The following ZNF274 variants were observed in gnomAD, a reference collection of about 807,000 sequenced individuals.
The protein encoded by ZNF274 is neurotrophin receptor-interacting factor homolog.
In ZNF274, 23 loss-of-function variants were observed where a neutral mutation model predicts 42.5. The observed-to-expected ratio is 0.54, with a 90% CI of 0.39 to 0.77. ZNF274 has a LOEUF of 0.77. ZNF274 is among the 30% of genes least tolerant of loss of function. The pLI is 0.00. For synonymous variants in ZNF274, 292 were observed against 305.4 expected, an observed-to-expected ratio of 0.96 and a Z score of 0.46; for missense variants, 679 against 806.5, an observed-to-expected ratio of 0.84 and a Z score of 1.91.
rs548890071 is a variant in ZNF274, at chr19:58,209,672, G to A, written c.740-289G>A. ...CTCACAGGAGGGGCTGGGGCCCTCAGCAGCCCCCGGAAAGGGAAGGAGTGG... is the reference window on the plus strand; with the variant it reads ...CTCACAGGAGGGGCTGGGGCCCTCAACAGCCCCCGGAAAGGGAAGGAGTGG... On this transcript the variant is annotated intron_variant, in intron 5 of 7. Transcript: ENST00000617501. 6.8e-4 allele frequency: 173 copies of A among 256,068 alleles called. 2 individuals carry two copies. The highest frequency in any genetic ancestry group is 5.1e-3 in the South Asian group (67 of 13,130). 15.9% of individuals were successfully genotyped at this position (256,068 alleles called of 1,614,324 possible). A position where few individuals can be genotyped will look rare whatever the true frequency, so the allele number is the denominator to read the frequency against.
At chr19:58,189,609 T>C (rs916846047) in intron 4 of ZNF274, among the ~76,000 whole-genome samples, 4 of 152,172 alleles carry the variant, frequency 2.6e-5, no homozygotes, top group Admixed American at 1.3e-4. Flanking sequence ...TAGTTCCCCT[T>C]GTCATTTAAA....
intron 3 of ZNF274, 100 bp downstream of exon 3, chr19:58,185,938 A>T: frequency 8.8e-7 from 1 of 1,134,460 alleles, no homozygotes; most frequent in South Asian, 3.6e-5. Flanking sequence ...CAGGGGCACC[A>T]GTAGGAAAAG....
At chr19:58,197,447 A>G (rs1285540008) in intron 4 of ZNF274, among the ~76,000 whole-genome samples, 1 of 152,264 alleles carries the variant, frequency 6.6e-6, no homozygotes, top group Non-Finnish European at 1.5e-5. Context: ...ACTGATAAGT[A>G]TATAAATGTA....
intron 4 of ZNF274, among the ~76,000 whole-genome samples, chr19:58,204,972 G>A (rs1305449028): frequency 6.6e-6 from 1 of 152,190 alleles, no homozygotes; most frequent in South Asian, 2.1e-4. Flanking sequence ...CTATTGGCTT[G>A]GCGGGGAGCA....
At chr19:58,209,880 A>G (rs2076020672) in intron 5 of ZNF274, 81 bp from the exon 6 acceptor site, 1 of 891,544 alleles carries the variant, frequency 1.1e-6, no homozygotes, top group Non-Finnish European at 1.7e-6. Context: ...CGGTGGCCCC[A>G]TGGGTTGCAG....
Position 58,213,108 on chromosome 19 carries a change from A to G in ZNF274, c.1927A>G (p.Arg643Gly), listed in dbSNP as rs1337312009. 6.2e-7 allele frequency: 1 copy of G among 1,612,024 alleles called. No homozygotes were observed. The highest frequency in any genetic ancestry group is 8.5e-7 in the Non-Finnish European group (1 of 1,178,878). Residue 643 changes from arginine (R) to glycine (G), a missense_variant, in exon 8 of 8, where the codon AGG becomes GGG. Arg to Gly is a moderately radical substitution (Grantham distance 125). Transcript: ENST00000617501. ...HLIGHQRTHN[R>G]TKRKKKQPTS ...TATTGGGCACCAGAGAACCCACAAT[A>G]GGACAAAGCGAAAGAAGAAACAGCC...
At chr19:58,193,139 A>G (rs1178639330) in intron 4 of ZNF274, among the ~76,000 whole-genome samples, 3 of 148,446 alleles carry the variant, frequency 2.0e-5, no homozygotes, top group African/African-American at 7.4e-5. Flanking sequence ...TCTTTTTGTC[A>G]CTATCTTTTT....
At chr19:58,185,532 T>C in intron 2 of ZNF274, 180 bp from the exon 3 acceptor site, 1 of 438,272 alleles carries the variant, frequency 2.3e-6, no homozygotes, top group Admixed American at 4.3e-5. Context: ...CTGAATAGAG[T>C]CAAGCTTGGG....
At position 58,183,312 on chromosome 19, in the gene ZNF274, C is replaced by A. The variant is rs1293233779; in HGVS notation, c.-176C>A. 2 of 152,344 alleles carry A rather than the reference C, an allele frequency of 1.3e-5. No individual in the cohort carries two copies. The highest frequency in any genetic ancestry group is 2.9e-5 in the Non-Finnish European group (2 of 68,064). The allele number at this position is 152,344 out of a possible 1,614,324, so 9.4% of individuals were successfully genotyped here. A position where few individuals can be genotyped will look rare whatever the true frequency, so the allele number is the denominator to read the frequency against. ...GGCTTCGCCTGCCGCCCCTAACCGGCCAGTCAAGATGGCCGCCGCTGGGTG... is the reference window on the plus strand; with the variant it reads ...GGCTTCGCCTGCCGCCCCTAACCGGACAGTCAAGATGGCCGCCGCTGGGTG... On this transcript the variant is annotated 5_prime_UTR_variant, in exon 1 of 8. Coordinates refer to ENST00000617501, the MANE Select transcript of ZNF274 (RefSeq NM_133502.3).
chr19:58,188,618 AAAATATATATAT>A (rs1252139394), intron 4 of ZNF274, among the ~76,000 whole-genome samples: 22 of 52,564 alleles, frequency 4.2e-4, no homozygotes, highest in East Asian at 1.8e-3. Flanking sequence ...AAAAAAAAAA[AAAATATATATAT>A]ATATATATAT....
In ZNF274 at chr19:58,212,755, A is replaced by G. The variant is rs1219830969; in HGVS notation, c.1574A>G (p.His525Arg). The change falls in exon 8 of 8, where the codon CAT becomes CGT. Residue 525 changes from histidine (H) to arginine (R), a missense_variant. Around this residue, in one of 2 missense-constraint regions of ZNF274, gnomAD observed 456 missense variants for 590.1 expected, o/e 0.77. Coordinates refer to ENST00000617501, the MANE Select transcript of ZNF274 (RefSeq NM_133502.3). This position sits in a 1 kb window ranked among gnomAD's most constrained non-coding sequence, Gnocchi z 4.6. ...IFRNPRYFSV[H>R]KKIHTGERPY... ...CGGAACCCAAGATACTTTTCTGTGCATAAGAAAATCCATACCGGAGAGAGG... is the reference window on the plus strand; with the variant it reads ...CGGAACCCAAGATACTTTTCTGTGCGTAAGAAAATCCATACCGGAGAGAGG... 1 of 1,613,934 alleles carries G rather than the reference A, an allele frequency of 6.2e-7. No individual in the cohort carries two copies. The highest frequency in any genetic ancestry group is 8.5e-7 in the Non-Finnish European group (1 of 1,179,910).
At chr19:58,201,546 T>C (rs1374872849) in intron 4 of ZNF274, among the ~76,000 whole-genome samples, 1 of 151,618 alleles carries the variant, frequency 6.6e-6, no homozygotes, top group African/African-American at 2.4e-5. Context: ...AGATGGAGTC[T>C]TGCACTGTCG....
Position 58,211,406 on chromosome 19 carries a change from G to C in ZNF274, c.853-154G>C, listed in dbSNP as rs1366305366. 1.1e-6 allele frequency: 1 copy of C among 936,484 alleles called. No individual in the cohort carries two copies. The highest frequency in any genetic ancestry group is 1.7e-5 in the African/African-American group (1 of 59,594). The allele number at this position is 936,484 out of a possible 1,614,324, so 58.0% of individuals were successfully genotyped here. The stretch of plus-strand genomic sequence containing the variant: ...GGTTTGGACCCAGTAGAACTCTTGT[G>C]GGCCCTGGGTTGGTGTCTCTGAGCA... On this transcript the variant is annotated intron_variant, in intron 6 of 7. Transcript: ENST00000617501. The surrounding 1 kb of genome is among the most constrained non-coding windows in gnomAD (Gnocchi z 4.8).
At chr19:58,200,418 T>C (rs887558983) in intron 4 of ZNF274, among the ~76,000 whole-genome samples, 4 of 152,098 alleles carry the variant, frequency 2.6e-5, no homozygotes, top group Non-Finnish European at 5.9e-5. Flanking sequence ...AATCAGATAT[T>C]TGGGATGGTA....
At position 58,212,412 on chromosome 19, in the gene ZNF274, G is replaced by A. The variant is rs754552870; in HGVS notation, c.1231G>A (p.Ala411Thr). The A allele has an allele frequency of 6.8e-6, 11 of 1,612,892 alleles. No homozygotes were observed. The highest frequency in any genetic ancestry group is 4.0e-5 in the African/African-American group (3 of 74,598). Reference sequence around the variant, plus strand: ...CCGTGAGTCCCAGGCAAACAGTGGTGCTCTTGACACAAACCAAGTTTCGCT... The same window carrying A: ...CCGTGAGTCCCAGGCAAACAGTGGTACTCTTGACACAAACCAAGTTTCGCT... ...DNRESQANSG[A>T]LDTNQVSLQK... Residue 411 changes from alanine to threonine, a missense_variant, in exon 8 of 8, where the codon GCT becomes ACT. Physicochemically the swap from Ala to Thr is moderately conservative, Grantham distance 58. Coordinates refer to ENST00000617501, the MANE Select transcript of ZNF274 (RefSeq NM_133502.3). This position sits in a 1 kb window ranked among gnomAD's most constrained non-coding sequence, Gnocchi z 4.6.
intron 4 of ZNF274, among the ~76,000 whole-genome samples, chr19:58,189,400 A>G (rs2075751849): frequency 6.6e-6 from 1 of 152,208 alleles, no homozygotes; most frequent in Non-Finnish European, 1.5e-5. Flanking sequence ...CTGGGATCAC[A>G]GCACTTAAAT....
rs1244599363 is a variant in ZNF274, at chr19:58,213,546, TG to T, written c.*404del. 1 of 176,376 alleles carries T rather than the reference TG, an allele frequency of 5.7e-6. No individual in the cohort carries two copies. Among genetic ancestry groups the T allele is most frequent in the Non-Finnish European group, 1.2e-5 (1 of 81,194 alleles). 10.9% of individuals were successfully genotyped at this position (176,376 alleles called of 1,614,324 possible). A position where few individuals can be genotyped will look rare whatever the true frequency, so the allele number is the denominator to read the frequency against. Reference sequence around the variant, plus strand: ...AAGATAATGTGGATAAATAAACTATTGATCTATGTCTGTGTAGAACCTGTGT... The same window carrying T: ...AAGATAATGTGGATAAATAAACTATTATCTATGTCTGTGTAGAACCTGTGT... On this transcript the variant is annotated 3_prime_UTR_variant, in exon 8 of 8. Transcript: ENST00000617501.
chr19:58,192,772 A>T (rs1219587916), intron 4 of ZNF274, among the ~76,000 whole-genome samples: 1 of 152,104 alleles, frequency 6.6e-6, no homozygotes, highest in African/African-American at 2.4e-5. Context: ...TTGAGGTCTC[A>T]CTCTATGTAT....
At chr19:58,204,691 C>G (rs1016419397) in intron 4 of ZNF274, among the ~76,000 whole-genome samples, 2 of 152,168 alleles carry the variant, frequency 1.3e-5, no homozygotes, top group African/African-American at 4.8e-5. Flanking sequence ...GGTTTTACTG[C>G]TTACAAGGGA....
Sources: allele counts gnomAD v4.1 joint callset (sites outside exome capture counted in the v4.1 genomes callset), GRCh38; gene constraint gnomAD v4.1.1; regional missense constraint gnomAD v4.1.1; non-coding constraint Gnocchi (gnomAD v3.1); transcripts MANE v1.5; gene names NCBI Gene and HGNC (gene_info 2026-07-23, HGNC 2026-07-21).